ANO2: variants seen among roughly 807,000 people sequenced by gnomAD.
ANO2 encodes anoctamin-2.
In ANO2, 101 loss-of-function variants were observed where a neutral mutation model predicts 124.2. The observed-to-expected ratio is 0.81, with a 90% CI of 0.69 to 0.96. ANO2 has a LOEUF of 0.96. Among genes scored for constraint, ANO2 ranks in the 40% least tolerant of loss-of-function variants. The pLI, the probability that ANO2 is intolerant of heterozygous loss-of-function variation, is 0.00. For synonymous variants in ANO2, 486 were observed against 482.5 expected, an observed-to-expected ratio of 1.01 and a Z score of -0.09; for missense variants, 1,293 against 1,274.5, an observed-to-expected ratio of 1.01 and a Z score of -0.22.
chr12:5,586,161 C>T (rs901080000), intron 20 of ANO2, among the ~76,000 whole-genome samples: 2 of 152,164 alleles, frequency 1.3e-5, no homozygotes, highest in Admixed American at 6.5e-5. Context: ...TTTTGTGGTA[C>T]GCTGAGGGCT....
At chr12:5,840,470 G>A (rs1045252397) in intron 4 of ANO2, among the ~76,000 whole-genome samples, 1 of 151,886 alleles carries the variant, frequency 6.6e-6, no homozygotes, top group African/African-American at 2.4e-5. Context: ...TGCATATATT[G>A]GACAGTATAC....
At chr12:5,923,131 C>A (rs1297554650) in intron 1 of ANO2, among the ~76,000 whole-genome samples, 1 of 49,674 alleles carries the variant, frequency 2.0e-5, no homozygotes, top group Non-Finnish European at 4.9e-5. Context: ...CACACACCCA[C>A]ATACACACAC....
intron 14 of ANO2, among the ~76,000 whole-genome samples, chr12:5,684,864 G>A (rs1948641378): frequency 6.6e-6 from 1 of 152,224 alleles, no homozygotes; most frequent in African/African-American, 2.4e-5. Flanking sequence ...AGGTGCTGGA[G>A]TCAGGGGTCC....
At chr12:5,723,449 T>C (rs984645688) in intron 14 of ANO2, among the ~76,000 whole-genome samples, 12 of 152,154 alleles carry the variant, frequency 7.9e-5, no homozygotes, top group Non-Finnish European at 1.0e-4. Context: ...ATCCACATCC[T>C]AGACTGCCCA....
chr12:5,691,670 G>T (rs1164261351), intron 14 of ANO2, among the ~76,000 whole-genome samples: 1 of 152,140 alleles, frequency 6.6e-6, no homozygotes, highest in Non-Finnish European at 1.5e-5. Flanking sequence ...TTGGGAGGCT[G>T]AGACAGGCAG....
intron 16 of ANO2, among the ~76,000 whole-genome samples, chr12:5,621,113 T>C (rs530019639): frequency 1.3e-5 from 2 of 152,260 alleles, no homozygotes; most frequent in South Asian, 2.1e-4. Context: ...CTCATCACTC[T>C]GCACCCTCAT....
intron 14 of ANO2, among the ~76,000 whole-genome samples, chr12:5,652,565 A>G (rs551064998): frequency 2.0e-5 from 3 of 146,666 alleles, no homozygotes; most frequent in Admixed American, 2.0e-4. Context: ...GTCCCCTTAG[A>G]CTCCTCGAAG....
chr12:5,709,006 CG>C (rs1844285021), intron 14 of ANO2, among the ~76,000 whole-genome samples: 1 of 152,348 alleles, frequency 6.6e-6, no homozygotes, highest in African/African-American at 2.4e-5. Flanking sequence ...TATTCACTTT[CG>C]CATCCACAGC....
At position 5,578,361 on chromosome 12, in the gene ANO2, C is replaced by T. The variant is rs548991124; in HGVS notation, c.2386+5G>A. 5.7e-5 allele frequency: 92 copies of T among 1,612,772 alleles called. No individual in the cohort carries two copies. The highest frequency in any genetic ancestry group is 7.5e-5 in the Non-Finnish European group (88 of 1,179,314). ...CCTGGTGGGGCCTCTAAGTGGGGCA[C>T]GTACCGATATCTTTGGTTCTTACAG... On this transcript the variant is annotated splice_donor_5th_base_variant and intron_variant, in intron 21 of 24. Coordinates refer to ENST00000682330, the MANE Select transcript of ANO2 (RefSeq NM_001364791.2).
chr12:5,923,257 TACACACACACACAC>T (rs34200084), intron 1 of ANO2, among the ~76,000 whole-genome samples: 1,738 of 74,334 alleles, frequency 0.023, 42 homozygotes, highest in Non-Finnish European at 0.041. Flanking sequence ...TACACACACA[TACACACACACACAC>T]ACACACACGC....
At chr12:5,839,424 C>T (rs1466500822) in intron 4 of ANO2, among the ~76,000 whole-genome samples, 4 of 152,142 alleles carry the variant, frequency 2.6e-5, no homozygotes, top group Non-Finnish European at 5.9e-5. Flanking sequence ...TCAGATGACT[C>T]GGCAATGGAG....
At position 5,688,501 on chromosome 12, in the gene ANO2, C is replaced by T. The variant is rs533012124; in HGVS notation, c.1546-40700G>A. 5.3e-5 allele frequency among the ~76,000 whole-genome samples: 8 copies of T among 152,326 alleles called. No individual in the cohort carries two copies. The East Asian group carries it at 1.5e-3, about 29-fold the overall frequency. ...GCTGTCTCCAAACAAAGGTTTGACTCTTGTACTCCCTTATGAGGGAGGCTT... is the reference window on the plus strand; with the variant it reads ...GCTGTCTCCAAACAAAGGTTTGACTTTTGTACTCCCTTATGAGGGAGGCTT... On this transcript the variant is annotated intron_variant, in intron 14 of 24. Coordinates refer to ENST00000682330, the MANE Select transcript of ANO2 (RefSeq NM_001364791.2).
chr12:5,779,454 C>G (rs78427101), intron 10 of ANO2, among the ~76,000 whole-genome samples: 9,116 of 152,258 alleles, frequency 0.06, 874 homozygotes, highest in African/African-American at 0.2. Context: ...CCTCCAAACG[C>G]TCTTCTTTCT....
At chr12:5,700,666 G>A (rs984966834) in intron 14 of ANO2, among the ~76,000 whole-genome samples, 4 of 152,096 alleles carry the variant, frequency 2.6e-5, no homozygotes, top group Non-Finnish European at 5.9e-5. Flanking sequence ...TTTTTGAAAA[G>A]ATCAACAAAA....
chr12:5,638,253 T>TTTTTTTTTTA (rs1591793681), intron 15 of ANO2, among the ~76,000 whole-genome samples: 8 of 146,656 alleles, frequency 5.5e-5, no homozygotes, highest in Middle Eastern at 3.3e-3. Flanking sequence ...TTTTTTTTTT[T>TTTTTTTTTTA]GAGACGGAGT....
intron 14 of ANO2, among the ~76,000 whole-genome samples, chr12:5,694,621 G>T (rs1465803363): frequency 2.6e-5 from 4 of 152,182 alleles, no homozygotes; most frequent in Non-Finnish European, 5.9e-5. Flanking sequence ...CCTGAGAGTA[G>T]TTCTAAAATC....
intron 20 of ANO2, among the ~76,000 whole-genome samples, chr12:5,591,991 G>A (rs2136869307): frequency 6.6e-6 from 1 of 152,302 alleles, no homozygotes; most frequent in Admixed American, 6.5e-5. Flanking sequence ...ACCCCTTAGG[G>A]AAAGGAATAA....
chr12:5,922,849 G>C (rs763007676), intron 1 of ANO2, 45 bp from the exon 2 acceptor site: 2 of 1,446,908 alleles, frequency 1.4e-6, no homozygotes, highest in East Asian at 2.6e-5. Context: ...CTCAGGTGAA[G>C]GAAATCCAAG....
chr12:5,727,899 C>T (rs1160592709), intron 14 of ANO2, among the ~76,000 whole-genome samples: 13 of 151,884 alleles, frequency 8.6e-5, no homozygotes, highest in South Asian at 8.3e-4. Context: ...CTCTGCCTCC[C>T]GGGTTCACGC....
Sources: gnomAD v4.1 joint callset for allele counts (sites outside exome capture counted in the v4.1 genomes callset) on GRCh38, gnomAD v4.1.1 for gene constraint, MANE v1.5 for transcripts, NCBI Gene and HGNC (gene_info 2026-07-23, HGNC 2026-07-21) for gene names.